The following EIF3H variants were observed in gnomAD, a reference collection of about 807,000 sequenced individuals.
The protein encoded by EIF3H is eukaryotic translation initiation factor 3 subunit H, also known as eIF-3-gamma.
A neutral mutation model predicts 44.2 loss-of-function variants in EIF3H; 26 were observed. That is an observed-to-expected ratio of 0.59 (90% confidence interval 0.43 to 0.82). EIF3H has a LOEUF of 0.82. Ranked by LOEUF, EIF3H falls within the 40% of genes least tolerant of loss-of-function variation. The pLI is 0.00. For synonymous variants in EIF3H, 166 were observed against 151.9 expected (o/e 1.09, Z -0.68); for missense variants, 359 against 432.8 (o/e 0.83, Z 1.51).
chr8:116,736,303 C>A (rs555904910), intron 1 of EIF3H, among the ~76,000 whole-genome samples: 21 of 152,302 alleles, frequency 1.4e-4, no homozygotes, highest in Non-Finnish European at 2.8e-4. Context: ...ATTAATACAT[C>A]TTGATTGTGG....
chr8:116,741,162 T>C (rs1163696478), intron 1 of EIF3H, among the ~76,000 whole-genome samples: 1 of 152,172 alleles, frequency 6.6e-6, no homozygotes, highest in Non-Finnish European at 1.5e-5. Context: ...TATCCATCTG[T>C]CCATCCAAGG....
chr8:116,668,458 G>T (rs10111411), intron 2 of EIF3H, among the ~76,000 whole-genome samples: 67,413 of 152,104 alleles, frequency 0.44, 18,803 homozygotes, highest in Non-Finnish European at 0.63. Flanking sequence ...CAATGTTAAA[G>T]AAGTACATAC....
In EIF3H at chr8:116,658,918, C is replaced by T; in HGVS notation, c.352G>A (p.Gly118Ser). Reference sequence around the variant, plus strand: ...CCATAGTATGTGGACTGATACCAGCCCACGTGAAGATGATCAATGTTTACA... The same window carrying T: ...CCATAGTATGTGGACTGATACCAGCTCACGTGAAGATGATCAATGTTTACA... The part of the protein sequence containing the change: ...RHVNIDHLHV[G>S]WYQSTYYGSF... The change falls in exon 3 of 8, where the codon GGC (glycine) becomes AGC (serine). Residue 118 changes from glycine to serine, a missense_variant. This residue lies in a region of EIF3H where 91 missense variants were observed against 164.6 expected (regional missense o/e 0.55). Coordinates refer to ENST00000521861, the MANE Select transcript of EIF3H (RefSeq NM_003756.3). The T allele has an allele frequency of 6.2e-7, 1 of 1,613,570 alleles. No individual in the cohort carries two copies. Among genetic ancestry groups the T allele is most frequent in the Non-Finnish European group, 8.5e-7 (1 of 1,179,686 alleles).
intron 2 of EIF3H, among the ~76,000 whole-genome samples, chr8:116,665,078 A>G (rs1218458599): frequency 1.3e-5 from 2 of 152,094 alleles, no homozygotes; most frequent in African/African-American, 4.8e-5. Context: ...TCAGACTCTG[A>G]CTCCAAAGGC....
intron 2 of EIF3H, among the ~76,000 whole-genome samples, chr8:116,680,268 C>T (rs1373337891): frequency 1.0e-4 from 5 of 49,398 alleles, no homozygotes; most frequent in African/African-American, 3.0e-4. Flanking sequence ...TCTGCCCGGC[C>T]GCCCCTACTG....
At position 116,659,786 on chromosome 8, in the gene EIF3H, G is replaced by T. The variant is rs141535130; in HGVS notation, c.290-806C>A. On this transcript the variant is annotated intron_variant, in intron 2 of 7. Transcript: ENST00000521861. ...GATTAAAACTAGCAATATAATAAAC[G>T]ACATTTTAAAAAGCAATATAGCACA... Among the ~76,000 whole-genome samples, 130 of 152,082 alleles carry T rather than the reference G, an allele frequency of 8.5e-4. 2 individuals are homozygous for T. The East Asian group carries it at 0.023, about 27-fold the overall frequency.
chr8:116,647,287 A>G (rs1813319498), intron 6 of EIF3H, among the ~76,000 whole-genome samples: 1 of 152,102 alleles, frequency 6.6e-6, no homozygotes, highest in Admixed American at 6.5e-5. Flanking sequence ...TTTTTAGTAC[A>G]GACAGGATTT....
intron 2 of EIF3H, among the ~76,000 whole-genome samples, chr8:116,720,652 A>G (rs1261359480): frequency 3.9e-5 from 6 of 152,210 alleles, no homozygotes; most frequent in Admixed American, 3.9e-4. Context: ...GAAAAACTGT[A>G]GGAAAGTTTG....
In EIF3H at chr8:116,658,955, C is replaced by T. The variant is rs761670416; in HGVS notation, c.315G>A (p.Arg105=). ...GATCAATGTTTACATGGCGAAGGCT[C>T]CGCATCATTTCCATCTGATATTGGA... ...DEVQYQMEMM[R]SLRHVNIDHL... is the part of the protein sequence containing the mutation. The change falls in exon 3 of 8, where the codon CGG becomes CGA. Residue 105 remains arginine, a synonymous_variant. Coordinates refer to ENST00000521861, the MANE Select transcript of EIF3H (RefSeq NM_003756.3). The T allele has an allele frequency of 9.3e-6, 15 of 1,612,280 alleles. No homozygotes were observed. In the South Asian group the frequency reaches 1.7e-4, roughly 18 times the overall value.
At chr8:116,684,377 A>AT (rs1814039348) in intron 2 of EIF3H, among the ~76,000 whole-genome samples, 1 of 152,168 alleles carries the variant, frequency 6.6e-6, no homozygotes, top group Admixed American at 6.5e-5. Context: ...TTCTTTATGG[A>AT]TCCCCCCTAA....
intron 2 of EIF3H, among the ~76,000 whole-genome samples, chr8:116,715,136 A>G (rs951196869): frequency 6.6e-6 from 1 of 152,090 alleles, no homozygotes; most frequent in Non-Finnish European, 1.5e-5. Context: ...GGGAAAAACT[A>G]CTCTAAATAC....
chr8:116,764,963 C>T (rs1360682754), intron 1 of EIF3H, among the ~76,000 whole-genome samples: 4 of 152,142 alleles, frequency 2.6e-5, no homozygotes, highest in Non-Finnish European at 5.9e-5. Flanking sequence ...AAAACGACAA[C>T]AAAAACTAAG....
rs540979082 is a variant in EIF3H, at chr8:116,764,332, G to A, written c.-27+1183C>T. 4.0e-4 allele frequency among the ~76,000 whole-genome samples: 61 copies of A among 152,156 alleles called. 1 individual carries two copies. The South Asian group carries it at 0.012, about 30-fold the overall frequency. ...TATCCAAATGGTTCACTCAATAATGGCAGTATTTGGCTTCTGCCTTGGTTG... is the reference window on the plus strand; with the variant it reads ...TATCCAAATGGTTCACTCAATAATGACAGTATTTGGCTTCTGCCTTGGTTG... On this transcript the variant is annotated intron_variant, in intron 1 of 9. Coordinates refer to the EIF3H transcript ENST00000276682.
At chr8:116,665,772 C>T (rs938983760) in intron 2 of EIF3H, among the ~76,000 whole-genome samples, 1 of 152,222 alleles carries the variant, frequency 6.6e-6, no homozygotes, top group African/African-American at 2.4e-5. Context: ...ACAAGACAAA[C>T]TTTATTCTGT....
chr8:116,662,554 G>A (rs1011219896), intron 2 of EIF3H, among the ~76,000 whole-genome samples: 9 of 152,162 alleles, frequency 5.9e-5, no homozygotes, highest in Admixed American at 2.0e-4. Context: ...CATGAACTGC[G>A]TTATCTCTGT....
chr8:116,679,591 G>A (rs1171222511), intron 2 of EIF3H, among the ~76,000 whole-genome samples: 1 of 26,920 alleles, frequency 3.7e-5, no homozygotes, highest in Non-Finnish European at 1.2e-4. Flanking sequence ...AGGTGGGGGG[G>A]TCAGCCCCCC....
chr8:116,710,374 T>G (rs1307989556), intron 2 of EIF3H, among the ~76,000 whole-genome samples: 1 of 152,224 alleles, frequency 6.6e-6, no homozygotes, highest in Non-Finnish European at 1.5e-5. Context: ...CCCAGCTTGA[T>G]CTGTATTTTC....
At chr8:116,664,970 CAT>C (rs1377475202) in intron 2 of EIF3H, among the ~76,000 whole-genome samples, 2 of 152,142 alleles carry the variant, frequency 1.3e-5, no homozygotes, top group African/African-American at 2.4e-5. Context: ...AAGTGTTCCA[CAT>C]ATGTTATCTA....
intron 2 of EIF3H, among the ~76,000 whole-genome samples, chr8:116,665,340 C>T (rs910059864): frequency 5.3e-5 from 8 of 152,130 alleles, no homozygotes; most frequent in African/African-American, 1.7e-4. Context: ...ATCACAAATA[C>T]ATAATCAAGC....
Sources: allele counts gnomAD v4.1 joint callset (sites outside exome capture counted in the v4.1 genomes callset), GRCh38; gene constraint gnomAD v4.1.1; regional missense constraint gnomAD v4.1.1; transcripts MANE v1.5; gene names NCBI Gene and HGNC (gene_info 2026-07-23, HGNC 2026-07-21).